The following EXOC2 variants were observed in gnomAD, a reference collection of about 807,000 sequenced individuals.
The protein encoded by EXOC2 is SEC5-like 1.
EXOC2 carries 70 observed loss-of-function variants against 131.8 expected under a neutral mutation model. The observed-to-expected ratio is 0.53, with a 90% CI of 0.44 to 0.65. The LOEUF is 0.65. Ranked by LOEUF, EXOC2 falls within the 30% of genes least tolerant of loss-of-function variation. The probability of loss-of-function intolerance (pLI) is 0.00; values close to 1 mark genes in which losing one functional copy is unlikely to be tolerated. For missense variants in EXOC2, 923 were observed against 1,108.6 expected (o/e 0.83, Z 2.38); for synonymous variants, 411 against 398.4 (o/e 1.03, Z -0.38).
chr6:574,014 G>A (rs1453023463), intron 12 of EXOC2, among the ~76,000 whole-genome samples: 8 of 152,164 alleles, frequency 5.3e-5, no homozygotes, highest in Non-Finnish European at 7.3e-5. Flanking sequence ...TCCATTTAGC[G>A]ATGGATCCTG....
chr6:615,718 TC>T (rs1380784267), intron 6 of EXOC2, among the ~76,000 whole-genome samples: 2 of 116,740 alleles, frequency 1.7e-5, no homozygotes, highest in Admixed American at 8.9e-5. Context: ...AGACTCCATC[TC>T]AAAAGAAAAA....
At chr6:656,367 A>G in intron 1 of EXOC2, 1 of 1,614,194 alleles carries the variant, frequency 6.2e-7, no homozygotes, top group Non-Finnish European at 8.5e-7. Flanking sequence ...CTCCGTCTCT[A>G]TACTCAGGGT....
chr6:617,750 C>T lies in EXOC2; in HGVS notation c.622G>A (p.Gly208Ser), dbSNP rs1761086753. ...SEGSLAYVKGGLSTFFEAQDA... is the reference protein window; with the variant it reads ...SEGSLAYVKGSLSTFFEAQDA... ...TGTGCTTCGAAGAATGTACTGAGACCGCCTTTCACATAGGCCAGGCTGCCC... is the reference window on the plus strand; with the variant it reads ...TGTGCTTCGAAGAATGTACTGAGACTGCCTTTCACATAGGCCAGGCTGCCC... Residue 208 changes from glycine (G) to serine (S), a missense_variant, in exon 6 of 28, where the codon GGT becomes AGT. Physicochemically the swap from Gly to Ser is moderately conservative, Grantham distance 56. Coordinates refer to ENST00000230449, the MANE Select transcript of EXOC2 (RefSeq NM_018303.6). The T allele has an allele frequency of 1.2e-6, 2 of 1,613,278 alleles. No individual in the cohort carries two copies. Among genetic ancestry groups the T allele is most frequent in the Non-Finnish European group, 8.5e-7 (1 of 1,179,682 alleles).
intron 22 of EXOC2, among the ~76,000 whole-genome samples, chr6:539,686 T>A (rs1561833464): frequency 1.3e-5 from 2 of 152,258 alleles, no homozygotes; most frequent in Non-Finnish European, 2.9e-5. Context: ...AACTTTTTGA[T>A]AATAATGTTT....
chr6:570,923 C>G (rs923171135), intron 13 of EXOC2, among the ~76,000 whole-genome samples: 1 of 152,212 alleles, frequency 6.6e-6, no homozygotes, highest in African/African-American at 2.4e-5. Context: ...GGTGCCACTA[C>G]TGTCACTGTG....
intron 6 of EXOC2, among the ~76,000 whole-genome samples, chr6:617,306 G>C (rs1283856552): frequency 6.6e-6 from 1 of 152,230 alleles, no homozygotes; most frequent in African/African-American, 2.4e-5. Flanking sequence ...ATACGTGGGC[G>C]CCTGTGCGAT....
chr6:486,948 G>T (rs1763102525), intron 27 of EXOC2, among the ~76,000 whole-genome samples, 184 bp from the exon 28 acceptor site: 2 of 152,054 alleles, frequency 1.3e-5, no homozygotes. Flanking sequence ...TGATCAAATA[G>T]GATATACTGA....
At chr6:620,326 C>T (rs1761219488) in intron 4 of EXOC2, among the ~76,000 whole-genome samples, 1 of 152,174 alleles carries the variant, frequency 6.6e-6, no homozygotes, top group Admixed American at 6.5e-5. Context: ...TGAACTGAAT[C>T]TGCTTGTCCC....
At chr6:630,855 A>G (rs1427445902) in intron 3 of EXOC2, among the ~76,000 whole-genome samples, 4 of 152,248 alleles carry the variant, frequency 2.6e-5, no homozygotes, top group South Asian at 2.1e-4. Context: ...CAAGGAACGC[A>G]TGGCTTGTAT....
At chr6:500,790 C>A (rs146785989) in intron 23 of EXOC2, among the ~76,000 whole-genome samples, 2 of 151,956 alleles carry the variant, frequency 1.3e-5, no homozygotes, top group Non-Finnish European at 2.9e-5. Context: ...TTCCCAGTAA[C>A]AACATTAAGG....
At chr6:504,301 G>A (rs1026142012) in intron 23 of EXOC2, among the ~76,000 whole-genome samples, 2 of 152,224 alleles carry the variant, frequency 1.3e-5, no homozygotes, top group African/African-American at 2.4e-5. Context: ...GGCAGAGGCC[G>A]TCAGAGAGGG....
At chr6:583,000 C>T (rs1196471618) in intron 11 of EXOC2, among the ~76,000 whole-genome samples, 1 of 152,064 alleles carries the variant, frequency 6.6e-6, no homozygotes, top group South Asian at 2.1e-4. Context: ...TTTGAAGAAG[C>T]ATTTATTAGC....
At chr6:646,986 G>C (rs966569714) in intron 1 of EXOC2, among the ~76,000 whole-genome samples, 2 of 152,168 alleles carry the variant, frequency 1.3e-5, no homozygotes, top group Non-Finnish European at 2.9e-5. Flanking sequence ...ACTGCAGGGA[G>C]AGCAAATATT....
intron 1 of EXOC2, among the ~76,000 whole-genome samples, chr6:658,629 A>AATATATATATATATTTTATATATATATAT (rs1270215774): frequency 7.5e-5 from 9 of 119,904 alleles, no homozygotes; most frequent in African/African-American, 2.6e-4. Context: ...GGATATTTAA[A>AATATATATATATATTTTATATATATATAT]ATATATATAT....
intron 5 of EXOC2, 138 bp from the exon 6 acceptor site, chr6:617,973 G>T (rs1010564943): frequency 1.9e-5 from 19 of 1,025,182 alleles, no homozygotes; most frequent in Middle Eastern, 5.0e-4. Context: ...GAAGCCAGAT[G>T]AAATCAAAAA....
intron 4 of EXOC2, among the ~76,000 whole-genome samples, chr6:629,449 G>A (rs1761736167): frequency 1.3e-5 from 2 of 152,102 alleles, no homozygotes; most frequent in South Asian, 4.1e-4. Flanking sequence ...CAAAATTAAA[G>A]ACCAGATTAG....
At chr6:589,292 C>T (rs951805995) in intron 11 of EXOC2, among the ~76,000 whole-genome samples, 1 of 151,924 alleles carries the variant, frequency 6.6e-6, no homozygotes, top group African/African-American at 2.4e-5. Flanking sequence ...GTCTGGAACG[C>T]GTCTCAATGC....
intron 1 of EXOC2, chr6:669,691 G>T (rs1763776840): frequency 6.6e-6 from 1 of 152,484 alleles, no homozygotes; most frequent in East Asian, 1.9e-4. Context: ...GATGGCAACA[G>T]TTGGTGGGAT....
At chr6:592,778 C>G (rs981413243) in intron 10 of EXOC2, among the ~76,000 whole-genome samples, 191 bp from the exon 11 acceptor site, 7 of 152,074 alleles carry the variant, frequency 4.6e-5, no homozygotes, top group Non-Finnish European at 1.0e-4. Flanking sequence ...GTAATCCCAG[C>G]ACTTTGGGAG....
Sources: gnomAD v4.1 joint callset for allele counts (sites outside exome capture counted in the v4.1 genomes callset) on GRCh38, gnomAD v4.1.1 for gene constraint, MANE v1.5 for transcripts, NCBI Gene and HGNC (gene_info 2026-07-23, HGNC 2026-07-21) for gene names.